The following GRK5 variants were observed in gnomAD, a reference collection of about 807,000 sequenced individuals.
The protein encoded by GRK5 is G protein-coupled receptor kinase 5.
In GRK5, 40 loss-of-function variants were observed where a neutral mutation model predicts 78.4. The ratio of observed to expected loss-of-function variants is 0.51; its 90% CI spans 0.40 to 0.66. The LOEUF (loss-of-function observed/expected upper bound fraction) is 0.66. Among genes scored for constraint, GRK5 ranks in the 30% least tolerant of loss-of-function variants. The pLI, the probability that GRK5 is intolerant of heterozygous loss-of-function variation, is 0.00. For synonymous variants in GRK5, 289 were observed against 296.8 expected (o/e 0.97, Z 0.27); for missense variants, 598 against 759.9 (o/e 0.79, Z 2.50).
chr10:119,285,727 TAAC>T (rs1309365492), intron 1 of GRK5, among the ~76,000 whole-genome samples: 6 of 152,102 alleles, frequency 3.9e-5, no homozygotes, highest in Non-Finnish European at 7.4e-5. Context: ...CAAAAACTTT[TAAC>T]AACAACAGTA....
At chr10:119,354,965 T>C (rs550995911) in intron 2 of GRK5, among the ~76,000 whole-genome samples, 1 of 152,294 alleles carries the variant, frequency 6.6e-6, no homozygotes, top group Non-Finnish European at 1.5e-5. Flanking sequence ...AATGCCAAAA[T>C]CCATGAATGC....
chr10:119,329,064 C>T (rs117262398), intron 2 of GRK5, among the ~76,000 whole-genome samples: 27 of 152,128 alleles, frequency 1.8e-4, no homozygotes, highest in Non-Finnish European at 3.5e-4. Flanking sequence ...GTTGGATGAA[C>T]GAGGGAAGGA....
chr10:119,246,612 A>T (rs980344413), intron 1 of GRK5, among the ~76,000 whole-genome samples: 2 of 152,250 alleles, frequency 1.3e-5, no homozygotes, highest in African/African-American at 4.8e-5. Flanking sequence ...TAATCTGCCA[A>T]GGATGTTGGT....
At position 119,380,748 on chromosome 10, in the gene GRK5, G is replaced by A. The variant is rs559979155; in HGVS notation, c.149-67G>A. Reference sequence around the variant, plus strand: ...TCTAGGGCTCTGAGCCCAGGTGTGGGAATGACAGGAAGGCCCTGCCTGGCC... The same window carrying A: ...TCTAGGGCTCTGAGCCCAGGTGTGGAAATGACAGGAAGGCCCTGCCTGGCC... On this transcript the variant is annotated intron_variant, in intron 2 of 15. Transcript: ENST00000392870. 9.3e-5 allele frequency: 88 copies of A among 945,172 alleles called. 1 individual carries two copies. In the South Asian group the frequency reaches 1.2e-3, roughly 13 times the overall value. 58.5% of individuals were successfully genotyped at this position (945,172 alleles called of 1,614,324 possible). A position where few individuals can be genotyped will look rare whatever the true frequency, so the allele number is the denominator to read the frequency against.
intron 12 of GRK5, among the ~76,000 whole-genome samples, chr10:119,444,433 G>A (rs1333822366): frequency 2.0e-5 from 3 of 152,142 alleles, no homozygotes; most frequent in East Asian, 1.9e-4. Context: ...CCACTGGGCC[G>A]CCCCATGCCG....
intron 1 of GRK5, among the ~76,000 whole-genome samples, chr10:119,220,603 G>A (rs1848641507): frequency 1.3e-5 from 2 of 152,178 alleles, no homozygotes; most frequent in Admixed American, 1.3e-4. Flanking sequence ...GGGAGGCCAA[G>A]GTGGGTGGAT....
At chr10:119,294,652 A>G (rs926237111) in intron 1 of GRK5, among the ~76,000 whole-genome samples, 4 of 152,140 alleles carry the variant, frequency 2.6e-5, no homozygotes, top group African/African-American at 9.7e-5. Flanking sequence ...AGGAGGAGGG[A>G]GGCAGGGGGA....
intron 1 of GRK5, among the ~76,000 whole-genome samples, chr10:119,262,343 T>G (rs1478351644): frequency 2.9e-5 from 4 of 137,404 alleles, no homozygotes; most frequent in African/African-American, 5.5e-5. Context: ...TTTTTTTTTT[T>G]TTTTTTTTTT....
intron 1 of GRK5, among the ~76,000 whole-genome samples, chr10:119,278,910 C>T (rs1180938128): frequency 6.6e-6 from 1 of 152,200 alleles, no homozygotes; most frequent in East Asian, 1.9e-4. Context: ...CGGAGTCTCG[C>T]TCTGTTGCCC....
chr10:119,401,928 C>A lies in GRK5; in HGVS notation c.339+5156C>A, dbSNP rs185727487. ...CCAGCAAAGGTTCATTTCTTTCTCA[C>A]GCATCATCTGGTTAGGTCATCAGCT... is the stretch of plus-strand genomic sequence containing the variant. On this transcript the variant is annotated intron_variant, in intron 4 of 15. Transcript: ENST00000392870. Among the ~76,000 whole-genome samples, 3 of 152,346 alleles carry A rather than the reference C, an allele frequency of 2.0e-5. No individual in the cohort carries two copies. In the East Asian group the frequency reaches 5.8e-4, roughly 29 times the overall value.
chr10:119,240,377 AT>A (rs1262883078), intron 1 of GRK5, among the ~76,000 whole-genome samples: 2 of 150,452 alleles, frequency 1.3e-5, no homozygotes, highest in East Asian at 2.0e-4. Flanking sequence ...ATTTTTTTGT[AT>A]TTTTAGTAGA....
At chr10:119,262,064 T>G (rs1849416680) in intron 1 of GRK5, among the ~76,000 whole-genome samples, 1 of 152,274 alleles carries the variant, frequency 6.6e-6, no homozygotes, top group African/African-American at 2.4e-5. Context: ...TTTTTATTTT[T>G]GGAAACTCAC....
chr10:119,277,097 T>G (rs1849683405), intron 1 of GRK5, among the ~76,000 whole-genome samples: 1 of 152,226 alleles, frequency 6.6e-6, no homozygotes, highest in Non-Finnish European at 1.5e-5. Context: ...GAACAAATCT[T>G]TAACCTCCAT....
intron 2 of GRK5, among the ~76,000 whole-genome samples, chr10:119,362,831 A>G (rs1324269065): frequency 6.6e-6 from 1 of 152,190 alleles, no homozygotes; most frequent in Non-Finnish European, 1.5e-5. Context: ...ACGGCAAAGG[A>G]GCATCTGAAA....
intron 2 of GRK5, among the ~76,000 whole-genome samples, chr10:119,327,352 G>C (rs1262813073): frequency 1.3e-5 from 2 of 152,200 alleles, no homozygotes; most frequent in African/African-American, 2.4e-5. Context: ...CCCCACTCCA[G>C]AGTGTTTGGG....
In GRK5 at chr10:119,452,829, G is replaced by C; in HGVS notation, c.1542+21G>C. The C allele has an allele frequency of 8.4e-7, 1 of 1,191,574 alleles. No individual in the cohort carries two copies. The highest frequency in any genetic ancestry group is 1.2e-6 in the Non-Finnish European group (1 of 838,786). 73.8% of individuals were successfully genotyped at this position (1,191,574 alleles called of 1,614,324 possible). On this transcript the variant is annotated intron_variant, in intron 14 of 15. Coordinates refer to ENST00000392870, the MANE Select transcript of GRK5 (RefSeq NM_005308.3). The surrounding 1 kb of genome is among the most constrained non-coding windows in gnomAD (Gnocchi z 4.4). ...ACGAGGTGAGCAGGGCAGACCACTT[G>C]CTTTGGTCTGGGTGGGAGGGAGGGA...
intron 13 of GRK5, among the ~76,000 whole-genome samples, chr10:119,450,152 A>G (rs1182928277): frequency 6.6e-6 from 1 of 152,182 alleles, no homozygotes; most frequent in Non-Finnish European, 1.5e-5. Flanking sequence ...GAGTGCATGA[A>G]CATCACGGTT....
intron 4 of GRK5, among the ~76,000 whole-genome samples, chr10:119,415,096 A>G (rs1431242651): frequency 1.3e-5 from 2 of 151,312 alleles, no homozygotes; most frequent in Non-Finnish European, 2.9e-5. Flanking sequence ...AAAAAAAAAA[A>G]AAAAAAAGAA....
chr10:119,360,622 GTGTGAGTGGGAAGAGACT>G (rs1437672819), intron 2 of GRK5, among the ~76,000 whole-genome samples: 1 of 151,980 alleles, frequency 6.6e-6, no homozygotes, highest in Non-Finnish European at 1.5e-5. Flanking sequence ...GCAGGAGCCT[GTGTGAGTGGGAAGAGACT>G]TGTGAGTGGG....
Sources: gnomAD v4.1 joint callset for allele counts (sites outside exome capture counted in the v4.1 genomes callset) on GRCh38, gnomAD v4.1.1 for gene constraint, Gnocchi (gnomAD v3.1) non-coding constraint, MANE v1.5 for transcripts, NCBI Gene and HGNC (gene_info 2026-07-23, HGNC 2026-07-21) for gene names.